Variants in RBFOX1 observed in about 807,000 individuals in gnomAD.
RBFOX1 encodes RNA binding protein fox-1 homolog 1.
RBFOX1 carries 8 observed loss-of-function variants against 57.7 expected under a neutral mutation model. The observed-to-expected ratio is 0.14, with a 90% confidence interval of 0.08 to 0.25. The LOEUF (loss-of-function observed/expected upper bound fraction) is 0.25. Among genes scored for constraint, RBFOX1 ranks in the 10% least tolerant of loss-of-function variants. RBFOX1 has a pLI of 1.00. For synonymous variants in RBFOX1, 326 were observed against 222.4 expected (o/e 1.47, Z -4.15); for missense variants, 611 against 548.5 (o/e 1.11, Z -1.14).
At chr16:6,403,282 C>T (rs1283157836) in intron 2 of RBFOX1, among the ~76,000 whole-genome samples, 1 of 152,150 alleles carries the variant, frequency 6.6e-6, no homozygotes, top group Non-Finnish European at 1.5e-5. Flanking sequence ...CTCCAGCTGT[C>T]TAAACCAGAC....
At chr16:5,799,632 C>G (rs991242897) in intron 3 of RBFOX1, among the ~76,000 whole-genome samples, 2 of 152,054 alleles carry the variant, frequency 1.3e-5, no homozygotes, top group Non-Finnish European at 1.5e-5. Flanking sequence ...TGATTTTTGT[C>G]CAACTGTAGG....
chr16:7,327,810 T>TA (rs2096630897), intron 4 of RBFOX1, among the ~76,000 whole-genome samples: 1 of 122,298 alleles, frequency 8.2e-6, no homozygotes, highest in African/African-American at 4.6e-5. Flanking sequence ...TAAACAATAT[T>TA]ACCTTTTTTT....
At chr16:5,419,745 A>C (rs1172264264) in intron 1 of RBFOX1, among the ~76,000 whole-genome samples, 2 of 151,954 alleles carry the variant, frequency 1.3e-5, no homozygotes, top group Non-Finnish European at 2.9e-5. Context: ...TGAAAGGCAG[A>C]GGGCTTTCTC....
intron 4 of RBFOX1, among the ~76,000 whole-genome samples, chr16:7,055,757 GGAGGAAGCA>G (rs2153737177): frequency 6.6e-6 from 1 of 152,278 alleles, no homozygotes; most frequent in East Asian, 1.9e-4. Flanking sequence ...TACTTAAACT[GGAGGAAGCA>G]GAAAATGCAC....
At chr16:6,973,422 C>T (rs2086038617) in intron 3 of RBFOX1, among the ~76,000 whole-genome samples, 1 of 152,146 alleles carries the variant, frequency 6.6e-6, no homozygotes, top group Admixed American at 6.5e-5. Flanking sequence ...AGGAAGCATT[C>T]TTCCCAGTGA....
intron 4 of RBFOX1, among the ~76,000 whole-genome samples, chr16:7,483,900 T>G (rs2064678933): frequency 6.6e-6 from 1 of 152,258 alleles, no homozygotes; most frequent in South Asian, 2.1e-4. Context: ...TTCATCCGCT[T>G]AAGTGTACAG....
intron 2 of RBFOX1, among the ~76,000 whole-genome samples, chr16:6,610,016 A>G (rs1340236203): frequency 1.3e-5 from 2 of 149,128 alleles, no homozygotes; most frequent in African/African-American, 4.9e-5. Context: ...ACAAAACAAA[A>G]CAAAACAAAA....
At chr16:6,650,176 C>CT (rs1000583823) in intron 2 of RBFOX1, among the ~76,000 whole-genome samples, 69 of 152,234 alleles carry the variant, frequency 4.5e-4, no homozygotes, top group African/African-American at 1.6e-3. Context: ...AAGAATATGC[C>CT]TTTTTAACAG....
At chr16:6,449,058 C>A (rs1044052731) in intron 2 of RBFOX1, among the ~76,000 whole-genome samples, 1 of 152,096 alleles carries the variant, frequency 6.6e-6, no homozygotes, top group African/African-American at 2.4e-5. Flanking sequence ...TCCTATATTT[C>A]TGCCATTGTA....
chr16:6,358,939 C>T (rs970917068), intron 2 of RBFOX1, among the ~76,000 whole-genome samples: 2 of 152,178 alleles, frequency 1.3e-5, no homozygotes, highest in Non-Finnish European at 2.9e-5. Flanking sequence ...GAGATTCTGG[C>T]ATCTGTTTTC....
At chr16:6,961,512 G>T (rs1306579626) in intron 3 of RBFOX1, among the ~76,000 whole-genome samples, 2 of 152,226 alleles carry the variant, frequency 1.3e-5, no homozygotes, top group African/African-American at 4.8e-5. Flanking sequence ...AAGAATCAGA[G>T]CGAGTCCGTA....
intron 1 of RBFOX1, among the ~76,000 whole-genome samples, chr16:5,424,170 C>CTCTCTCTCGT (rs1475637659): frequency 1.3e-5 from 2 of 152,176 alleles, no homozygotes; most frequent in African/African-American, 4.8e-5. Flanking sequence ...AGTGTGCACT[C>CTCTCTCTCGT]TCTCTCTCGT....
chr16:5,910,370 T>A (rs757731190), intron 4 of RBFOX1, among the ~76,000 whole-genome samples: 12 of 152,156 alleles, frequency 7.9e-5, no homozygotes, highest in Non-Finnish European at 1.0e-4. Context: ...TACCAGAGCC[T>A]TCTTGACTGG....
chr16:5,467,230 G>T, exon 2 of RBFOX1: 1 of 1,492,584 alleles, frequency 6.7e-7, no homozygotes. Context: ...TACTGTGCCT[G>T]CCATACAGCC....
chr16:6,969,154 G>A (rs1042044492), intron 3 of RBFOX1, among the ~76,000 whole-genome samples: 1 of 152,058 alleles, frequency 6.6e-6, no homozygotes, highest in Non-Finnish European at 1.5e-5. Flanking sequence ...TTAGCTGTCT[G>A]TCCCCAAAAT....
chr16:5,971,952 C>G (rs567278776), intron 4 of RBFOX1, among the ~76,000 whole-genome samples: 4 of 152,208 alleles, frequency 2.6e-5, no homozygotes, highest in African/African-American at 9.6e-5. Flanking sequence ...AAAAACTGAG[C>G]TCCCCTGCAT....
chr16:6,123,076 C>T (rs907465835), intron 1 of RBFOX1, among the ~76,000 whole-genome samples: 2 of 152,088 alleles, frequency 1.3e-5, no homozygotes, highest in Non-Finnish European at 2.9e-5. Flanking sequence ...TACTTAGGAA[C>T]ATTGCAAAAT....
chr16:7,222,001 T>C (rs753836540), intron 4 of RBFOX1, among the ~76,000 whole-genome samples: 7 of 152,204 alleles, frequency 4.6e-5, no homozygotes, highest in Non-Finnish European at 1.0e-4. Flanking sequence ...AGCATTTTAT[T>C]TTTACCATTA....
At chr16:6,131,287 C>T (rs1173709107) in intron 1 of RBFOX1, among the ~76,000 whole-genome samples, 1 of 152,168 alleles carries the variant, frequency 6.6e-6, no homozygotes, top group Non-Finnish European at 1.5e-5. Flanking sequence ...CCATGTATTG[C>T]CACTTGTTTT....
Sources: allele counts gnomAD v4.1 joint callset (sites outside exome capture counted in the v4.1 genomes callset), GRCh38; gene constraint gnomAD v4.1.1; transcripts MANE v1.5; gene names NCBI Gene and HGNC (gene_info 2026-07-23, HGNC 2026-07-21).